Variants in SLC25A28 observed in about 807,000 individuals in gnomAD.
SLC25A28 encodes solute carrier family 25 member 28.
SLC25A28 carries 10 observed loss-of-function variants against 31.9 expected under a neutral mutation model. The ratio of observed to expected loss-of-function variants is 0.31; its 90% CI spans 0.19 to 0.53. The LOEUF is 0.53. Ranked by LOEUF, SLC25A28 falls within the 20% of genes least tolerant of loss-of-function variation. The probability of loss-of-function intolerance (pLI) is 0.95; values close to 1 mark genes in which losing one functional copy is unlikely to be tolerated. For missense variants in SLC25A28, 256 were observed against 490.3 expected, an observed-to-expected ratio of 0.52 and a Z score of 4.51; for synonymous variants, 208 against 203.6, an observed-to-expected ratio of 1.02 and a Z score of -0.19.
Position 99,610,703 on chromosome 10 carries a change from G to A in SLC25A28, c.*146C>T. The A allele has an allele frequency of 2.1e-6, 2 of 960,860 alleles. No individual in the cohort carries two copies. The highest frequency in any genetic ancestry group is 1.6e-5 in the African/African-American group (1 of 61,268). 59.5% of individuals were successfully genotyped at this position (960,860 alleles called of 1,614,324 possible). A position where few individuals can be genotyped will look rare whatever the true frequency, so the allele number is the denominator to read the frequency against. The stretch of plus-strand genomic sequence containing the variant: ...GTGGCAACAGAGGTTGGCAGGAACT[G>A]GTGTTAGTCAAAACACCAAAATCCT... On this transcript the variant is annotated 3_prime_UTR_variant, in exon 4 of 4. Coordinates refer to ENST00000370495, the MANE Select transcript of SLC25A28 (RefSeq NM_031212.4).
At chr10:99,617,195 T>C in intron 1 of SLC25A28, 9 of 985,424 alleles carry the variant, frequency 9.1e-6, no homozygotes, top group Non-Finnish European at 1.1e-5. Context: ...AATGTCCCCA[T>C]AGATAAAGTC....
the SLC25A28 span, among the ~76,000 whole-genome samples, chr10:99,635,642 C>T: frequency 6.6e-6 from 1 of 150,418 alleles, no homozygotes; most frequent in Non-Finnish European, 1.5e-5. Context: ...CATGCCACTA[C>T]ACTCCAGCCT....
chr10:99,610,794 A>T lies in SLC25A28; in HGVS notation c.*55T>A, dbSNP rs2034502337. 1 of 1,567,120 alleles carries T rather than the reference A, an allele frequency of 6.4e-7. No homozygotes were observed. Among genetic ancestry groups the T allele is most frequent in the African/African-American group, 1.4e-5 (1 of 73,938 alleles). On this transcript the variant is annotated 3_prime_UTR_variant, in exon 4 of 4. Transcript: ENST00000370495. ...GTGGGAGCATTCCAGGAGACAGAGA[A>T]TGTGACCAGGATGCAGCAGTGTCAT...
chr10:99,614,939 A>G lies in SLC25A28; in HGVS notation c.292-1015T>C, dbSNP rs117154413. Among the ~76,000 whole-genome samples, 1,066 of 152,334 alleles carry G rather than the reference A, an allele frequency of 7.0e-3. 7 individuals carry two copies. The highest frequency in any genetic ancestry group is 9.8e-3 in the Non-Finnish European group (670 of 68,032). ...CTCTGATTTGTTTGCTAAATGAATGAATCTTTTGTCACATAACTGTATCAG... is the reference window on the plus strand; with the variant it reads ...CTCTGATTTGTTTGCTAAATGAATGGATCTTTTGTCACATAACTGTATCAG... On this transcript the variant is annotated intron_variant, in intron 1 of 3. Coordinates refer to ENST00000370495, the MANE Select transcript of SLC25A28 (RefSeq NM_031212.4).
the SLC25A28 span, among the ~76,000 whole-genome samples, chr10:99,644,849 A>T: frequency 2.0e-5 from 3 of 152,170 alleles, no homozygotes; most frequent in African/African-American, 7.2e-5. Flanking sequence ...TCTGGGTTGA[A>T]AATTCTTTTC....
the SLC25A28 span, among the ~76,000 whole-genome samples, chr10:99,643,270 CA>C: frequency 6.6e-6 from 1 of 152,162 alleles, no homozygotes; most frequent in African/African-American, 2.4e-5. Flanking sequence ...TTCAGGGATT[CA>C]ACTTCTTGCT....
intron 1 of SLC25A28, chr10:99,615,787 G>A (rs1011867519): frequency 1.0e-5 from 10 of 985,206 alleles, no homozygotes; most frequent in Non-Finnish European, 1.2e-5. Flanking sequence ...TTAGCTTATC[G>A]TGTTTCCATG....
rs758601372 is a variant in SLC25A28 at position 99,619,320 on chromosome 10, T to G, written c.291+725A>C. 1.0e-3 allele frequency: 1,025 copies of G among 985,446 alleles called. 1 individual carries two copies. Among genetic ancestry groups the G allele is most frequent in the Non-Finnish European group, 1.2e-3 (965 of 829,938 alleles). The allele number at this position is 985,446 out of a possible 1,614,324, so 61.0% of individuals were successfully genotyped here. Reference sequence around the variant, plus strand: ...CCAACTTCAGGTGGCCAAAGAAATATGCTATCAGTTTCATCTCTCTTGTTT... The same window carrying G: ...CCAACTTCAGGTGGCCAAAGAAATAGGCTATCAGTTTCATCTCTCTTGTTT... On this transcript the variant is annotated intron_variant, in intron 1 of 3. Transcript: ENST00000370495.
the SLC25A28 span, among the ~76,000 whole-genome samples, chr10:99,636,603 G>T: frequency 2.2e-4 from 33 of 152,184 alleles, no homozygotes; most frequent in East Asian, 6.4e-3. Flanking sequence ...CAGAAGAAAG[G>T]AAATATCCAA....
chr10:99,640,465 T>C, the SLC25A28 span, among the ~76,000 whole-genome samples: 3 of 152,264 alleles, frequency 2.0e-5, no homozygotes, highest in Non-Finnish European at 4.4e-5. Flanking sequence ...CTTTTGATTA[T>C]ATCCATTCTA....
At chr10:99,620,474 G>GC (rs1334278015), upstream of SLC25A28, 3 of 1,045,498 alleles carry the variant, frequency 2.9e-6, no homozygotes, top group South Asian at 4.4e-5. Flanking sequence ...CCGCGGACAC[G>GC]CCCCCCAAGC....
chr10:99,611,001 C>T lies in SLC25A28; in HGVS notation c.943G>A (p.Val315Ile). The T allele has an allele frequency of 3.7e-6, 6 of 1,614,228 alleles. No individual in the cohort carries two copies. The highest frequency in any genetic ancestry group is 5.1e-6 in the Non-Finnish European group (6 of 1,180,040). ...ITGMASAFRT[V>I]YQVGGVTAYF... The stretch of plus-strand genomic sequence containing the variant: ...GCGGTCACCCCACCTACTTGATATA[C>T]CGTCCTGAAGGCACTAGCCATGCCT... Residue 315 changes from valine to isoleucine, a missense_variant, in exon 4 of 4, where the codon GTA becomes ATA. Coordinates refer to ENST00000370495, the MANE Select transcript of SLC25A28 (RefSeq NM_031212.4). This position sits in a 1 kb window ranked among gnomAD's most constrained non-coding sequence, Gnocchi z 5.5.
At chr10:99,636,962 C>G in the SLC25A28 span, among the ~76,000 whole-genome samples, 11 of 152,134 alleles carry the variant, frequency 7.2e-5, no homozygotes, top group African/African-American at 2.7e-4. Flanking sequence ...CACCCTAATA[C>G]TAAAACCAGG....
the SLC25A28 span, among the ~76,000 whole-genome samples, chr10:99,641,110 T>C: frequency 8.0e-4 from 122 of 152,354 alleles, no homozygotes; most frequent in African/African-American, 2.8e-3. Flanking sequence ...CAGATGGTAT[T>C]TCTAGTTCTA....
chr10:99,649,449 G>T, the SLC25A28 span, among the ~76,000 whole-genome samples: 1 of 152,164 alleles, frequency 6.6e-6, no homozygotes, highest in South Asian at 2.1e-4. Flanking sequence ...TTGGTATCAG[G>T]ATGATACTGG....
the SLC25A28 span, among the ~76,000 whole-genome samples, chr10:99,658,821 A>C: frequency 6.6e-6 from 1 of 152,086 alleles, no homozygotes; most frequent in Non-Finnish European, 1.5e-5. Flanking sequence ...AAACACACAC[A>C]CACCCACGCG....
Position 99,617,886 on chromosome 10 carries a change from T to A in SLC25A28, c.291+2159A>T, listed in dbSNP as rs531338144. On this transcript the variant is annotated intron_variant, in intron 1 of 3. Transcript: ENST00000370495. Reference sequence around the variant, plus strand: ...AGTAAGAACTGTTCTTCAAAATAGTTACCTTGGAAGGCTACAATTGACTTA... The same window carrying A: ...AGTAAGAACTGTTCTTCAAAATAGTAACCTTGGAAGGCTACAATTGACTTA... 1.1e-5 allele frequency: 7 copies of A among 644,004 alleles called. No individual in the cohort carries two copies. The African/African-American group carries it at 1.4e-4, about 13-fold the overall frequency. The allele number at this position is 644,004 out of a possible 1,614,324, so 39.9% of individuals were successfully genotyped here.
chr10:99,634,012 G>C, the SLC25A28 span, among the ~76,000 whole-genome samples: 253 of 152,328 alleles, frequency 1.7e-3, 1 homozygote, highest in African/African-American at 5.4e-3. Context: ...CTGGGGCTGG[G>C]TAGACTTGCT....
At chr10:99,631,024 T>G in the SLC25A28 span, among the ~76,000 whole-genome samples, 429 of 152,202 alleles carry the variant, frequency 2.8e-3, 2 homozygotes, top group Non-Finnish European at 4.5e-3. Flanking sequence ...AGGAGTAATT[T>G]TCTGGACAAA....
Sources: allele counts gnomAD v4.1 joint callset (sites outside exome capture counted in the v4.1 genomes callset), GRCh38; gene constraint gnomAD v4.1.1; non-coding constraint Gnocchi (gnomAD v3.1); transcripts MANE v1.5; gene names NCBI Gene and HGNC (gene_info 2026-07-23, HGNC 2026-07-21).